The following THEMIS variants were observed in gnomAD, a reference collection of about 807,000 sequenced individuals.
THEMIS encodes protein THEMIS.
Under a neutral mutation model 52.6 loss-of-function variants are expected in THEMIS, and 37 were observed. The observed-to-expected ratio is 0.70, with a 90% CI of 0.54 to 0.93. THEMIS has a LOEUF of 0.93. Ranked by LOEUF, THEMIS falls within the 40% of genes least tolerant of loss-of-function variation. The pLI is 0.00. For synonymous variants in THEMIS, 292 were observed against 272.7 expected (o/e 1.07, Z -0.70); for missense variants, 808 against 763.1 (o/e 1.06, Z -0.69).
chr6:127,807,802 C>T (rs1011211407), intron 4 of THEMIS, among the ~76,000 whole-genome samples: 1 of 152,204 alleles, frequency 6.6e-6, no homozygotes, highest in African/African-American at 2.4e-5. Context: ...TATAATACTA[C>T]TCTCTAATGA....
At chr6:127,903,230 A>G (rs570761455), upstream of THEMIS, among the ~76,000 whole-genome samples, 9 of 152,166 alleles carry the variant, frequency 5.9e-5, no homozygotes, top group South Asian at 1.9e-3. Flanking sequence ...GCTTTAGACC[A>G]GATCGTAATC....
At chr6:127,802,835 CTG>C (rs1777581552) in intron 4 of THEMIS, among the ~76,000 whole-genome samples, 1 of 152,144 alleles carries the variant, frequency 6.6e-6, no homozygotes. Flanking sequence ...ACCAGGGTAA[CTG>C]TGCATTGTGG....
intron 3 of THEMIS, 26 bp downstream of exon 3, chr6:127,829,450 G>T: frequency 6.5e-7 from 1 of 1,548,542 alleles, no homozygotes; most frequent in Non-Finnish European, 8.7e-7. Context: ...CATGCTCATA[G>T]AACATCATTC....
intron 4 of THEMIS, among the ~76,000 whole-genome samples, chr6:127,783,898 A>G (rs979766161): frequency 6.6e-6 from 1 of 152,238 alleles, no homozygotes; most frequent in Non-Finnish European, 1.5e-5. Flanking sequence ...ATATACCCAA[A>G]GGATTATAAA....
chr6:127,901,165 A>G (rs1384781043), upstream of THEMIS: 3 of 559,158 alleles, frequency 5.4e-6, no homozygotes, highest in Non-Finnish European at 9.6e-6. Flanking sequence ...TTGTGGCTTC[A>G]TTTCCTTCTG....
intron 5 of THEMIS, among the ~76,000 whole-genome samples, chr6:127,711,238 A>G (rs1030982753): frequency 4.6e-5 from 7 of 151,892 alleles, no homozygotes. Flanking sequence ...GAATAGTTGC[A>G]AAGATAGAAT....
At chr6:127,775,488 C>T (rs2114458418) in intron 4 of THEMIS, among the ~76,000 whole-genome samples, 1 of 152,282 alleles carries the variant, frequency 6.6e-6, no homozygotes, top group Admixed American at 6.5e-5. Flanking sequence ...AAATGAGACA[C>T]TCTTCCACAA....
chr6:127,732,527 C>G (rs1262803269), intron 4 of THEMIS, among the ~76,000 whole-genome samples: 3 of 152,186 alleles, frequency 2.0e-5, no homozygotes, highest in Non-Finnish European at 4.4e-5. Flanking sequence ...ATCCCAGCAG[C>G]TCCTTCATGC....
chr6:127,749,937 C>T (rs1394563664), intron 4 of THEMIS, among the ~76,000 whole-genome samples: 2 of 149,780 alleles, frequency 1.3e-5, no homozygotes, highest in East Asian at 3.9e-4. Context: ...AGGCACTTTG[C>T]TTGATCTTTT....
chr6:127,715,955 C>T (rs1355454211), intron 5 of THEMIS, among the ~76,000 whole-genome samples: 2 of 151,790 alleles, frequency 1.3e-5, no homozygotes, highest in Non-Finnish European at 2.9e-5. Context: ...TAGGTTGTGG[C>T]AGAACTGGGA....
intron 4 of THEMIS, among the ~76,000 whole-genome samples, chr6:127,726,790 G>T (rs2114507100): frequency 6.6e-6 from 1 of 152,218 alleles, no homozygotes; most frequent in South Asian, 2.1e-4. Context: ...TACTTAGGTG[G>T]AGAACCTCTT....
At chr6:127,903,361 AT>A (rs1290030220), upstream of THEMIS, among the ~76,000 whole-genome samples, 1 of 152,086 alleles carries the variant, frequency 6.6e-6, no homozygotes, top group Non-Finnish European at 1.5e-5. Flanking sequence ...AAGTTTGGTC[AT>A]TAGAACAGCA....
chr6:127,773,189 G>A (rs776630048), intron 4 of THEMIS, among the ~76,000 whole-genome samples: 2 of 152,118 alleles, frequency 1.3e-5, no homozygotes, highest in Non-Finnish European at 2.9e-5. Flanking sequence ...GACAAAGAAC[G>A]TAGCTCTTTA....
At chr6:127,891,896 G>A (rs1437023382) in intron 1 of THEMIS, among the ~76,000 whole-genome samples, 1 of 152,262 alleles carries the variant, frequency 6.6e-6, no homozygotes, top group East Asian at 1.9e-4. Flanking sequence ...ACAGGGATAT[G>A]TTTTCTCTTC....
At chr6:127,895,591 A>T (rs993192308) in intron 1 of THEMIS, among the ~76,000 whole-genome samples, 5 of 151,684 alleles carry the variant, frequency 3.3e-5, no homozygotes, top group Admixed American at 1.3e-4. Context: ...CCTAGGATAC[A>T]TAAGAACTCT....
chr6:127,869,690 T>G (rs1780097612), intron 1 of THEMIS, among the ~76,000 whole-genome samples: 2 of 152,136 alleles, frequency 1.3e-5, no homozygotes, highest in African/African-American at 4.8e-5. Context: ...TGTTCCAGAT[T>G]TGAAGCTGAA....
At chr6:127,823,573 T>G (rs1419350980) in intron 3 of THEMIS, among the ~76,000 whole-genome samples, 2 of 152,138 alleles carry the variant, frequency 1.3e-5, no homozygotes, top group African/African-American at 4.8e-5. Flanking sequence ...TCTCAAGCAC[T>G]GAGAAGATAC....
intron 4 of THEMIS, among the ~76,000 whole-genome samples, chr6:127,798,890 G>A (rs1056058090): frequency 1.3e-5 from 2 of 151,362 alleles, no homozygotes; most frequent in Non-Finnish European, 2.9e-5. Context: ...TACTCGGGAG[G>A]CTGAGGCAGG....
At chr6:127,915,520 G>T (rs2114540624) in intron 1 of THEMIS, among the ~76,000 whole-genome samples, 1 of 150,742 alleles carries the variant, frequency 6.6e-6, no homozygotes, top group South Asian at 2.1e-4. Context: ...AAATAAAGAT[G>T]ATGGGCTCTG....
Sources: gnomAD v4.1 joint callset for allele counts (sites outside exome capture counted in the v4.1 genomes callset) on GRCh38, gnomAD v4.1.1 for gene constraint, MANE v1.5 for transcripts, NCBI Gene and HGNC (gene_info 2026-07-23, HGNC 2026-07-21) for gene names.